EFCAB6: variants seen among roughly 807,000 people sequenced by gnomAD.
EFCAB6 encodes EF-hand calcium-binding domain-containing protein 6.
A neutral mutation model predicts 169.8 loss-of-function variants in EFCAB6; 156 were observed. The ratio of observed to expected loss-of-function variants is 0.92; its 90% confidence interval spans 0.81 to 1.05. The LOEUF is 1.05. Ranked by LOEUF, EFCAB6 falls within the 50% of genes least tolerant of loss-of-function variation. The pLI, the probability that EFCAB6 is intolerant of heterozygous loss-of-function variation, is 0.00. For synonymous variants in EFCAB6, 698 were observed against 676.4 expected (o/e 1.03, Z -0.50); for missense variants, 1,800 against 1,829.1 (o/e 0.98, Z 0.29).
rs117033651 is a variant in EFCAB6 at position 43,646,896 on chromosome 22, G to A, written c.1984-11680C>T. ...TGAATTTGATAGAATCGTTGGAAAT[G>A]TAATATGGCAATATGCATTAAACAT... On this transcript the variant is annotated intron_variant, in intron 17 of 31. Coordinates refer to ENST00000262726, the MANE Select transcript of EFCAB6 (RefSeq NM_022785.4). Among the ~76,000 whole-genome samples, 1,226 of 152,334 alleles carry A rather than the reference G, an allele frequency of 8.0e-3. 8 individuals are homozygous for A. Among genetic ancestry groups the A allele is most frequent in the Non-Finnish European group, 0.013 (894 of 68,036 alleles).
intron 2 of EFCAB6, among the ~76,000 whole-genome samples, chr22:43,801,538 G>A (rs1004862813): frequency 1.2e-4 from 18 of 152,064 alleles, no homozygotes; most frequent in African/African-American, 4.3e-4. Flanking sequence ...TGTTGAGATA[G>A]GTAATATAAA....
intron 24 of EFCAB6, among the ~76,000 whole-genome samples, chr22:43,589,125 T>C (rs1303014639): frequency 6.6e-6 from 1 of 151,560 alleles, no homozygotes; most frequent in Non-Finnish European, 1.5e-5. Context: ...CACTTAGAAG[T>C]AGGGACATTG....
intron 24 of EFCAB6, among the ~76,000 whole-genome samples, chr22:43,582,681 G>A (rs1455999304): frequency 6.6e-6 from 1 of 152,090 alleles, no homozygotes; most frequent in Admixed American, 6.5e-5. Context: ...GTAGATCGCA[G>A]ACCTAGAGCA....
intron 23 of EFCAB6, among the ~76,000 whole-genome samples, chr22:43,592,606 A>C (rs1471782430): frequency 6.6e-6 from 1 of 152,210 alleles, no homozygotes; most frequent in Admixed American, 6.5e-5. Flanking sequence ...TGCCAAACAG[A>C]AACGGTGTCA....
chr22:43,679,373 GTTTAT>G (rs2057912025), intron 12 of EFCAB6, among the ~76,000 whole-genome samples: 1 of 152,106 alleles, frequency 6.6e-6, no homozygotes. Context: ...GCCAGATTTT[GTTTAT>G]TTTGTTACAA....
intron 12 of EFCAB6, among the ~76,000 whole-genome samples, chr22:43,681,687 T>C (rs2147094236): frequency 6.6e-6 from 1 of 152,368 alleles, no homozygotes; most frequent in African/African-American, 2.4e-5. Context: ...GAAATACTGT[T>C]GGTCTTTGTG....
chr22:43,610,792 C>G (rs949055199), intron 21 of EFCAB6, among the ~76,000 whole-genome samples: 3 of 152,096 alleles, frequency 2.0e-5, no homozygotes, highest in African/African-American at 7.2e-5. Context: ...TTTAAAAACA[C>G]GTAGCAGGTC....
rs375120220 is a variant in EFCAB6, at chr22:43,554,875, G to A, written c.3642C>T (p.Asp1214=). The A allele has an allele frequency of 1.6e-5, 26 of 1,614,018 alleles. No homozygotes were observed. The highest frequency in any genetic ancestry group is 3.3e-4 in the Middle Eastern group (2 of 6,084). The change falls in exon 27 of 32, where the codon GAC becomes GAT. Residue 1214 remains aspartate, a synonymous_variant. Transcript: ENST00000262726. The stretch of plus-strand genomic sequence containing the variant: ...ACTGACTGGCGTTTCTTACCTGTTC[G>A]TCCGTCAGGATTTGGACGCGGCGAT... ...ICNRRVQILT[D]EQFDRLWNEM...
Position 43,634,962 on chromosome 22 carries a change from T to C in EFCAB6, c.2098+140A>G, listed in dbSNP as rs552444193. On this transcript the variant is annotated intron_variant, in intron 18 of 31. Coordinates refer to ENST00000262726, the MANE Select transcript of EFCAB6 (RefSeq NM_022785.4). Reference sequence around the variant, plus strand: ...AGATAAAATGAAATAAAAATGGTTGTTTGCAGCCCCAGAAGACACCTCGTT... The same window carrying C: ...AGATAAAATGAAATAAAAATGGTTGCTTGCAGCCCCAGAAGACACCTCGTT... The C allele has an allele frequency of 6.2e-6, 4 of 645,100 alleles. No homozygotes were observed. In the South Asian group the frequency reaches 7.5e-5, roughly 12 times the overall value. The allele number at this position is 645,100 out of a possible 1,614,324, so 40.0% of individuals were successfully genotyped here.
chr22:43,775,228 A>AG (rs1321823477), intron 3 of EFCAB6, among the ~76,000 whole-genome samples: 1 of 152,176 alleles, frequency 6.6e-6, no homozygotes, highest in African/African-American at 2.4e-5. Flanking sequence ...GAAAGGGAAG[A>AG]GGGAAGATGC....
intron 26 of EFCAB6, among the ~76,000 whole-genome samples, chr22:43,566,202 T>C (rs1371610138): frequency 6.6e-6 from 1 of 151,818 alleles, no homozygotes; most frequent in Non-Finnish European, 1.5e-5. Context: ...CTGATGGGAG[T>C]AGATACTCCA....
chr22:43,788,350 T>C (rs1359599586), intron 2 of EFCAB6, among the ~76,000 whole-genome samples: 1 of 152,184 alleles, frequency 6.6e-6, no homozygotes, highest in Non-Finnish European at 1.5e-5. Context: ...GGATTTAGTA[T>C]GCAGAATATA....
chr22:43,590,303 G>T, intron 23 of EFCAB6, 74 bp from the exon 24 acceptor site: 1 of 1,518,720 alleles, frequency 6.6e-7, no homozygotes, highest in Non-Finnish European at 8.9e-7. Context: ...AACACTGCAT[G>T]ATTATTCTAA....
chr22:43,620,591 T>C (rs181156278), intron 20 of EFCAB6, among the ~76,000 whole-genome samples: 59 of 152,264 alleles, frequency 3.9e-4, no homozygotes, highest in Non-Finnish European at 7.2e-4. Context: ...AGATGTCCTA[T>C]AGGAAGTTCT....
chr22:43,673,966 CAA>C (rs35790164), intron 13 of EFCAB6, among the ~76,000 whole-genome samples: 20 of 69,426 alleles, frequency 2.9e-4, no homozygotes, highest in Admixed American at 9.6e-4. Context: ...GACTCCGTCT[CAA>C]AAAAAAAAAA....
chr22:43,626,590 CAGT>C lies in EFCAB6; in HGVS notation c.2319_2321del (p.Leu775del), dbSNP rs1348500175. The C allele has an allele frequency of 6.2e-7, 1 of 1,614,198 alleles. No individual in the cohort carries two copies. Among genetic ancestry groups the C allele is most frequent in the Admixed American group, 1.7e-5 (1 of 60,016 alleles). On this transcript the variant is annotated inframe_deletion, in exon 20 of 32. Coordinates refer to ENST00000262726, the MANE Select transcript of EFCAB6 (RefSeq NM_022785.4). Reference sequence around the variant, plus strand: ...CAAACTCGTCGTCTTTGAGATTAAGCAGTAGATGCAGGAGCAGTCTGTGAAGGT... The same window carrying C: ...CAAACTCGTCGTCTTTGAGATTAAGCAGATGCAGGAGCAGTCTGTGAAGGT...
At chr22:43,663,003 G>T (rs987504443) in intron 17 of EFCAB6, among the ~76,000 whole-genome samples, 4 of 152,196 alleles carry the variant, frequency 2.6e-5, no homozygotes, top group Non-Finnish European at 5.9e-5. Flanking sequence ...CTAAGCTTTG[G>T]TCTCCTTGTT....
chr22:43,670,534 G>A (rs995974674), intron 15 of EFCAB6, among the ~76,000 whole-genome samples: 3 of 152,230 alleles, frequency 2.0e-5, no homozygotes, highest in Non-Finnish European at 2.9e-5. Flanking sequence ...AATCGCAGCT[G>A]TAATAACAGT....
intron 2 of EFCAB6, among the ~76,000 whole-genome samples, chr22:43,784,676 TACACACACACACACACAC>T (rs571679900): frequency 1.1e-4 from 7 of 63,132 alleles, no homozygotes; most frequent in South Asian, 1.2e-3. Flanking sequence ...TATACATATA[TACACACACACACACACAC>T]ACACACACAC....
Sources: gnomAD v4.1 joint callset for allele counts (sites outside exome capture counted in the v4.1 genomes callset) on GRCh38, gnomAD v4.1.1 for gene constraint, MANE v1.5 for transcripts, NCBI Gene and HGNC (gene_info 2026-07-23, HGNC 2026-07-21) for gene names.